COLEC10: variants seen among roughly 807,000 people sequenced by gnomAD.
COLEC10 encodes the protein collectin subfamily member 10, also known as collectin-10.
A neutral mutation model predicts 28.4 loss-of-function variants in COLEC10; 22 were observed. That is an observed-to-expected ratio of 0.78 (90% CI 0.55 to 1.11). The LOEUF (loss-of-function observed/expected upper bound fraction) is 1.11, where lower values mean the gene tolerates loss of function less well. Among genes scored for constraint, COLEC10 ranks in the 50% least tolerant of loss-of-function variants. The pLI is 0.00. For missense variants in COLEC10, 361 were observed against 344.1 expected, an observed-to-expected ratio of 1.05 and a Z score of -0.39; for synonymous variants, 125 against 116.1, an observed-to-expected ratio of 1.08 and a Z score of -0.49.
chr8:118,960,555 C>T, the COLEC10 span, among the ~76,000 whole-genome samples: 14 of 151,916 alleles, frequency 9.2e-5, no homozygotes, highest in African/African-American at 2.4e-4. Context: ...GAGGCTGAGG[C>T]GGGTGGATCA....
intron 2 of COLEC10, among the ~76,000 whole-genome samples, chr8:119,059,054 G>A (rs1814809608): frequency 6.6e-6 from 1 of 152,032 alleles, no homozygotes; most frequent in Non-Finnish European, 1.5e-5. Context: ...TTTGCTGAAT[G>A]TCCATTTAAA....
intron 2 of COLEC10, among the ~76,000 whole-genome samples, chr8:119,017,591 T>C (rs1179585429): frequency 1.3e-5 from 2 of 152,158 alleles, no homozygotes; most frequent in Non-Finnish European, 2.9e-5. Flanking sequence ...ACTAACCTCT[T>C]ATTGAGAGCT....
intron 3 of COLEC10, among the ~76,000 whole-genome samples, chr8:119,096,657 G>A (rs1815724665): frequency 6.6e-6 from 1 of 151,846 alleles, no homozygotes; most frequent in Admixed American, 6.6e-5. Context: ...GAACAAAAAA[G>A]GAAACCACAG....
At chr8:118,976,054 T>A in the COLEC10 span, among the ~76,000 whole-genome samples, 2,368 of 152,184 alleles carry the variant, frequency 0.016, 63 homozygotes, top group African/African-American at 0.054. Flanking sequence ...ACATATCCAG[T>A]TTCTTTAAAT....
intron 3 of COLEC10, among the ~76,000 whole-genome samples, chr8:119,095,390 C>T (rs1179160230): frequency 1.3e-5 from 2 of 152,170 alleles, no homozygotes; most frequent in Admixed American, 6.6e-5. Context: ...TCCATCGACT[C>T]AATGCTACCT....
chr8:118,961,150 A>G, the COLEC10 span, among the ~76,000 whole-genome samples: 1 of 152,238 alleles, frequency 6.6e-6, no homozygotes, highest in African/African-American at 2.4e-5. Context: ...GGACTAAAAT[A>G]TGATTAATAT....
chr8:119,019,051 G>A (rs117786297), intron 2 of COLEC10, among the ~76,000 whole-genome samples: 1 of 152,254 alleles, frequency 6.6e-6, no homozygotes, highest in East Asian at 1.9e-4. Flanking sequence ...CCCTTCTGCA[G>A]TTACCCGCAT....
At chr8:119,102,451 A>G in intron 4 of COLEC10, 50 bp downstream of exon 4, 1 of 1,400,914 alleles carries the variant, frequency 7.1e-7, no homozygotes, top group Non-Finnish European at 9.9e-7. Context: ...TTCCAAGTTT[A>G]TTCATCTCAA....
chr8:118,990,720 A>G (rs1416316180), upstream of COLEC10, among the ~76,000 whole-genome samples: 1 of 152,152 alleles, frequency 6.6e-6, no homozygotes, highest in Admixed American at 6.6e-5. Context: ...CAAGTGCCAT[A>G]TGAAACCATG....
chr8:118,953,374 T>A, the COLEC10 span, among the ~76,000 whole-genome samples: 1 of 152,232 alleles, frequency 6.6e-6, no homozygotes, highest in African/African-American at 2.4e-5. Context: ...GGGACTCAAG[T>A]CAATCCAAGT....
the COLEC10 span, among the ~76,000 whole-genome samples, chr8:118,990,190 T>TATGGTCAC: frequency 4.6e-5 from 7 of 152,208 alleles, no homozygotes; most frequent in Non-Finnish European, 1.0e-4. Context: ...AGATAGATTG[T>TATGGTCAC]ATGGTCACTG....
intron 2 of COLEC10, among the ~76,000 whole-genome samples, chr8:119,048,257 T>C (rs1484565130): frequency 6.6e-6 from 1 of 152,208 alleles, no homozygotes; most frequent in Non-Finnish European, 1.5e-5. Flanking sequence ...GGTTTTCTGT[T>C]CCTGCATTAA....
intron 2 of COLEC10, among the ~76,000 whole-genome samples, chr8:119,050,040 A>G (rs1047484635): frequency 6.6e-6 from 1 of 152,152 alleles, no homozygotes; most frequent in Non-Finnish European, 1.5e-5. Flanking sequence ...AACCTTGGAC[A>G]AGTCACCTAA....
intron 2 of COLEC10, among the ~76,000 whole-genome samples, chr8:119,030,140 G>A (rs1167814408): frequency 6.6e-6 from 1 of 152,076 alleles, no homozygotes; most frequent in African/African-American, 2.4e-5. Context: ...AAAGAGTAAA[G>A]CCACGTGGTT....
At chr8:118,953,922 A>G in the COLEC10 span, among the ~76,000 whole-genome samples, 1 of 152,204 alleles carries the variant, frequency 6.6e-6, no homozygotes, top group African/African-American at 2.4e-5. Context: ...TCTACCTCAA[A>G]GTATCATAAC....
At chr8:119,079,103 C>T (rs955598831) in intron 1 of COLEC10, among the ~76,000 whole-genome samples, 2 of 152,002 alleles carry the variant, frequency 1.3e-5, no homozygotes, top group African/African-American at 4.8e-5. Context: ...CTTCCTTCCC[C>T]CTTGTCCTCT....
chr8:118,964,365 T>C, the COLEC10 span, among the ~76,000 whole-genome samples: 2 of 152,320 alleles, frequency 1.3e-5, no homozygotes, highest in Admixed American at 1.3e-4. Flanking sequence ...TAGGAGACAG[T>C]AGGCCTGGGT....
the COLEC10 span, among the ~76,000 whole-genome samples, chr8:118,952,710 A>C: frequency 1.3e-5 from 2 of 152,186 alleles, no homozygotes; most frequent in African/African-American, 4.8e-5. Context: ...TCAAAGGGCT[A>C]TTGGTATCGG....
chr8:119,089,616 T>C, intron 1 of COLEC10, 64 bp from the exon 2 acceptor site: 5 of 1,311,332 alleles, frequency 3.8e-6, no homozygotes, highest in Non-Finnish European at 4.4e-6. Flanking sequence ...CACCTTACCC[T>C]GGGAGAATGT....
Sources: allele counts gnomAD v4.1 joint callset (sites outside exome capture counted in the v4.1 genomes callset), GRCh38; gene constraint gnomAD v4.1.1; transcripts MANE v1.5; gene names NCBI Gene and HGNC (gene_info 2026-07-23, HGNC 2026-07-21).